The following CAPZA1 variants were observed in gnomAD, a reference collection of about 807,000 sequenced individuals.
CAPZA1 encodes capping actin protein of muscle Z-line subunit alpha 1, also known as F-actin-capping protein subunit alpha-1.
Under a neutral mutation model 40.8 loss-of-function variants are expected in CAPZA1, and 10 were observed. The ratio of observed to expected loss-of-function variants is 0.25; its 90% CI spans 0.15 to 0.42. The LOEUF is 0.42. Ranked by LOEUF, CAPZA1 falls within the 10% of genes least tolerant of loss-of-function variation. The pLI, the probability that CAPZA1 is intolerant of heterozygous loss-of-function variation, is 1.00. For synonymous variants in CAPZA1, 98 were observed against 115.0 expected (o/e 0.85, Z 0.95); for missense variants, 277 against 353.8 (o/e 0.78, Z 1.74).
At chr1:112,628,005 G>A (rs961746139) in intron 1 of CAPZA1, among the ~76,000 whole-genome samples, 1 of 152,200 alleles carries the variant, frequency 6.6e-6, no homozygotes, top group East Asian at 1.9e-4. Flanking sequence ...TAAGTATGCC[G>A]TGAAGAGTTC....
chr1:112,670,007 A>G lies in CAPZA1; in HGVS notation c.736A>G (p.Asn246Asp), dbSNP rs777824472. 1.2e-6 allele frequency: 2 copies of G among 1,613,892 alleles called. No individual in the cohort carries two copies. The highest frequency in any genetic ancestry group is 2.2e-5 in the South Asian group (2 of 91,064). ...TCTATTGCAGACAGCAATTAGTGAA[A>G]ACTATCAAACAATGTCAGATACCAC... The part of the protein sequence containing the change: ...ENEYQTAISE[N>D]YQTMSDTTFK... The change falls in exon 10 of 10, where the codon AAC becomes GAC. Residue 246 changes from asparagine to aspartate, a missense_variant. Physicochemically the swap from Asn to Asp is conservative, Grantham distance 23. Around this residue, in one of 2 missense-constraint regions of CAPZA1, gnomAD observed 192 missense variants for 277.2 expected, o/e 0.69. Transcript: ENST00000263168.
At chr1:112,642,688 T>C (rs891230244) in intron 1 of CAPZA1, among the ~76,000 whole-genome samples, 8 of 152,312 alleles carry the variant, frequency 5.3e-5, no homozygotes, top group Middle Eastern at 3.4e-3. Context: ...CTTCCTAGTT[T>C]GCCGAATGGG....
intron 1 of CAPZA1, among the ~76,000 whole-genome samples, chr1:112,638,633 G>A (rs1671067190): frequency 6.6e-6 from 1 of 151,756 alleles, no homozygotes; most frequent in African/African-American, 2.4e-5. Flanking sequence ...AGATTTTATA[G>A]TGAGTATGTA....
intron 8 of CAPZA1, 115 bp downstream of exon 8, chr1:112,667,260 T>C (rs1671741955): frequency 1.3e-6 from 1 of 741,714 alleles, no homozygotes; most frequent in Non-Finnish European, 2.2e-6. Flanking sequence ...TTTTAATGTT[T>C]TGATTTTGGC....
chr1:112,648,439 C>T (rs1448670692), intron 2 of CAPZA1, among the ~76,000 whole-genome samples: 2 of 148,718 alleles, frequency 1.3e-5, no homozygotes, highest in Non-Finnish European at 3.0e-5. Context: ...ACCCCTGCCT[C>T]CCAAGTAGCT....
intron 8 of CAPZA1, among the ~76,000 whole-genome samples, chr1:112,668,523 C>T (rs4259645): frequency 0.016 from 2,374 of 152,178 alleles, 31 homozygotes; most frequent in Non-Finnish European, 0.024. Context: ...GATGAAGTTT[C>T]GCTCTTGTTG....
chr1:112,625,696 A>G (rs1454259457), intron 1 of CAPZA1, among the ~76,000 whole-genome samples: 1 of 152,236 alleles, frequency 6.6e-6, no homozygotes, highest in Non-Finnish European at 1.5e-5. Flanking sequence ...TTGTGTTCAC[A>G]GGACTTTCAG....
At chr1:112,624,344 C>G (rs367917830) in intron 1 of CAPZA1, among the ~76,000 whole-genome samples, 2 of 152,008 alleles carry the variant, frequency 1.3e-5, no homozygotes, top group South Asian at 4.1e-4. Flanking sequence ...CATGATGGCT[C>G]ACGCTCGTAA....
chr1:112,650,849 G>A (rs1671373436), intron 3 of CAPZA1, among the ~76,000 whole-genome samples: 1 of 152,224 alleles, frequency 6.6e-6, no homozygotes, highest in Admixed American at 6.5e-5. Flanking sequence ...ATTAAGAGAA[G>A]TTGGTATGTA....
intron 8 of CAPZA1, among the ~76,000 whole-genome samples, chr1:112,668,289 GA>G (rs1012228779): frequency 2.0e-5 from 3 of 151,852 alleles, no homozygotes; most frequent in African/African-American, 7.3e-5. Context: ...AAGAAAGAAA[GA>G]AAGAAAACTA....
At position 112,666,049 on chromosome 1, in the gene CAPZA1, G is replaced by A. The variant is rs182088699; in HGVS notation, c.586-1025G>A. On this transcript the variant is annotated intron_variant, in intron 7 of 9. Coordinates refer to ENST00000263168, the MANE Select transcript of CAPZA1 (RefSeq NM_006135.3). ...ATGGGGATCTTGCTATATTGCCCAG[G>A]CTGGTCTTAAACTTCTGGCCTCAAG... 2.2e-4 allele frequency among the ~76,000 whole-genome samples: 34 copies of A among 152,154 alleles called. No individual in the cohort carries two copies. The East Asian group carries it at 6.2e-3, about 28-fold the overall frequency.
At chr1:112,640,875 T>C (rs915909799) in intron 1 of CAPZA1, among the ~76,000 whole-genome samples, 7 of 152,254 alleles carry the variant, frequency 4.6e-5, no homozygotes, top group African/African-American at 1.4e-4. Context: ...TGTTCTGTAC[T>C]AAGAGAAGTT....
chr1:112,661,757 A>G (rs1314023716), intron 7 of CAPZA1, among the ~76,000 whole-genome samples: 4 of 152,240 alleles, frequency 2.6e-5, no homozygotes, highest in Non-Finnish European at 5.9e-5. Context: ...GTGCAAACCT[A>G]TAAAATAAGA....
chr1:112,653,184 T>C (rs1193914797), intron 3 of CAPZA1, among the ~76,000 whole-genome samples: 1 of 152,212 alleles, frequency 6.6e-6, no homozygotes, highest in East Asian at 1.9e-4. Context: ...ACTTTGGAAT[T>C]AGCCGAGTGT....
rs765485560 is a variant in CAPZA1, at chr1:112,619,857, G to A, written c.13G>A (p.Asp5Asn). The A allele has an allele frequency of 3.7e-6, 6 of 1,613,148 alleles. No homozygotes were observed. In the East Asian group the frequency reaches 6.7e-5, roughly 18 times the overall value. Reference sequence around the variant, plus strand: ...AGAACAGCCCAAGATGGCCGACTTCGATGATCGTGTGTCGGATGAGGAGAA... The same window carrying A: ...AGAACAGCCCAAGATGGCCGACTTCAATGATCGTGTGTCGGATGAGGAGAA... MADF[D>N]DRVSDEEKVR... The change falls in exon 1 of 10, where the codon GAT (aspartate) becomes AAT (asparagine). Residue 5 changes from aspartate (D) to asparagine (N), a missense_variant. Coordinates refer to ENST00000263168, the MANE Select transcript of CAPZA1 (RefSeq NM_006135.3).
rs58051216 is a variant in CAPZA1, at chr1:112,670,362, C to CT, written c.*249dup. The CT allele has an allele frequency of 0.097, 14,465 of 149,026 alleles. 781 individuals are homozygous for CT. Among genetic ancestry groups the CT allele is most frequent in the East Asian group, 0.29 (1,551 of 5,426 alleles). The allele number at this position is 149,026 out of a possible 1,614,324, so 9.2% of individuals were successfully genotyped here. A position where few individuals can be genotyped will look rare whatever the true frequency, so the allele number is the denominator to read the frequency against. ...TATATCTACGTGTAAATCTTTTTTT[C>CT]TTTTTTTTTTTTTTTTTTTGGTTAA... On this transcript the variant is annotated 3_prime_UTR_variant, in exon 10 of 10. Transcript: ENST00000263168.
intron 5 of CAPZA1, 55 bp downstream of exon 5, chr1:112,654,726 C>A (rs753863164): frequency 2.1e-4 from 255 of 1,213,144 alleles, no homozygotes; most frequent in Non-Finnish European, 2.9e-4. Flanking sequence ...TTTACCTTAT[C>A]CTTTGGAGGC....
At chr1:112,643,971 A>C (rs1241581530) in intron 1 of CAPZA1, among the ~76,000 whole-genome samples, 2 of 151,930 alleles carry the variant, frequency 1.3e-5, no homozygotes, top group African/African-American at 4.8e-5. Context: ...CAGCCTCTCA[A>C]GTAGCTGGGA....
intron 1 of CAPZA1, among the ~76,000 whole-genome samples, chr1:112,636,363 G>GA (rs1479445383): frequency 6.6e-6 from 1 of 152,142 alleles, no homozygotes; most frequent in African/African-American, 2.4e-5. Flanking sequence ...GGAAGAAATT[G>GA]AAATTTAGGA....
Sources: allele counts gnomAD v4.1 joint callset (sites outside exome capture counted in the v4.1 genomes callset), GRCh38; gene constraint gnomAD v4.1.1; regional missense constraint gnomAD v4.1.1; transcripts MANE v1.5; gene names NCBI Gene and HGNC (gene_info 2026-07-23, HGNC 2026-07-21).